The following TGFBR3 variants were observed in gnomAD, a reference collection of about 807,000 sequenced individuals.
The protein encoded by TGFBR3 is transforming growth factor beta receptor type 3.
TGFBR3 carries 46 observed loss-of-function variants against 87.9 expected under a neutral mutation model. The ratio of observed to expected loss-of-function variants is 0.52; its 90% CI spans 0.41 to 0.67. TGFBR3 has a LOEUF of 0.67. Among genes scored for constraint, TGFBR3 ranks in the 30% least tolerant of loss-of-function variants. The probability of loss-of-function intolerance (pLI) is 0.00; values close to 1 mark genes in which losing one functional copy is unlikely to be tolerated. For missense variants in TGFBR3, 866 were observed against 1,041.9 expected (o/e 0.83, Z 2.32); for synonymous variants, 381 against 391.6 (o/e 0.97, Z 0.32).
Position 91,716,588 on chromosome 1 carries a change from T to C in TGFBR3, c.1687A>G (p.Thr563Ala), listed in dbSNP as rs766413439. Residue 563 changes from threonine (T) to alanine (A), a missense_variant, in exon 11 of 17, where the codon ACC becomes GCC. Coordinates refer to ENST00000212355, the MANE Select transcript of TGFBR3 (RefSeq NM_003243.5). ...DMDEGDASLF[T>A]RPEIVVFNCS... ...CATACCACCACGATTTCAGGTCGGGTGAACAGGGAAGCATCTCCTTCATCC... is the reference window on the plus strand; with the variant it reads ...CATACCACCACGATTTCAGGTCGGGCGAACAGGGAAGCATCTCCTTCATCC... The C allele has an allele frequency of 7.4e-6, 12 of 1,613,890 alleles. No individual in the cohort carries two copies. In the East Asian group the frequency reaches 2.7e-4, roughly 36 times the overall value.
intron 15 of TGFBR3, among the ~76,000 whole-genome samples, chr1:91,696,030 A>G (rs1671426260): frequency 6.6e-6 from 1 of 152,248 alleles, no homozygotes; most frequent in African/African-American, 2.4e-5. Context: ...TAACTAAAAA[A>G]TCAGATTTGC....
At chr1:91,836,339 T>C (rs1280687779) in intron 2 of TGFBR3, among the ~76,000 whole-genome samples, 1 of 152,176 alleles carries the variant, frequency 6.6e-6, no homozygotes, top group East Asian at 1.9e-4. Flanking sequence ...TAAACAATAA[T>C]GGAACAACAG....
At chr1:91,750,912 ATCT>A (rs1673517955) in intron 4 of TGFBR3, among the ~76,000 whole-genome samples, 2 of 152,160 alleles carry the variant, frequency 1.3e-5, no homozygotes, top group African/African-American at 2.4e-5. Context: ...TACTATTCTC[ATCT>A]TCTCCAATTT....
chr1:91,835,827 CAAAAAAAAAAAAA>C (rs57326419), intron 2 of TGFBR3, among the ~76,000 whole-genome samples: 12,430 of 74,824 alleles, frequency 0.17, 1,058 homozygotes, highest in East Asian at 0.57. Context: ...GACTCCACCT[CAAAAAAAAAAAAA>C]AAAAAAAAAA....
intron 2 of TGFBR3, among the ~76,000 whole-genome samples, chr1:91,815,844 G>A (rs556659849): frequency 2.0e-5 from 3 of 152,344 alleles, no homozygotes; most frequent in South Asian, 2.1e-4. Context: ...GAAGTTGGCT[G>A]TAATCAGACT....
At chr1:91,874,259 C>G (rs1557756458) in intron 1 of TGFBR3, among the ~76,000 whole-genome samples, 1 of 152,190 alleles carries the variant, frequency 6.6e-6, no homozygotes, top group East Asian at 1.9e-4. Flanking sequence ...AATTCTGTAG[C>G]TATTTGGGGA....
At position 91,682,674 on chromosome 1, in the gene TGFBR3, T is replaced by A. The variant is rs1490654558; in HGVS notation, c.*1065A>T. On this transcript the variant is annotated 3_prime_UTR_variant, in exon 17 of 17. Transcript: ENST00000212355. ...CCATGCATTTGCATCTTGCTACAGT[T>A]TGGTTTTTATGAAAGGGCCTATTTT... 2.2e-6 allele frequency: 1 copy of A among 454,004 alleles called. No homozygotes were observed. Among genetic ancestry groups the A allele is most frequent in the Admixed American group, 2.3e-5 (1 of 42,574 alleles). 28.1% of individuals were successfully genotyped at this position (454,004 alleles called of 1,614,324 possible).
chr1:91,745,395 G>GCT (rs774895316), intron 4 of TGFBR3, among the ~76,000 whole-genome samples: 7 of 152,208 alleles, frequency 4.6e-5, no homozygotes, highest in Admixed American at 2.6e-4. Context: ...CCAAGAACTT[G>GCT]CTGGCTCAGT....
Position 91,861,505 on chromosome 1 carries a change from G to C in TGFBR3, c.27C>G (p.Ile9Met). The stretch of plus-strand genomic sequence containing the variant: ...CTAAACAGGAGCTCATCAGGGCAAA[G>C]ATGGCAATCACATAATGGGAAGTCA... MTSHYVIAIFALMSSCLAT... is the reference protein window; with the variant it reads MTSHYVIAMFALMSSCLAT... Residue 9 changes from isoleucine (I) to methionine (M), a missense_variant, in exon 2 of 17, where the codon ATC (isoleucine) becomes ATG (methionine). By Grantham distance (10) the Ile-to-Met change is conservative. Coordinates refer to ENST00000212355, the MANE Select transcript of TGFBR3 (RefSeq NM_003243.5). 2 of 1,613,890 alleles carry C rather than the reference G, an allele frequency of 1.2e-6. No individual in the cohort carries two copies. The highest frequency in any genetic ancestry group is 1.7e-6 in the Non-Finnish European group (2 of 1,179,774).
chr1:91,886,327 C>G (rs1448820181), upstream of TGFBR3: 8 of 374,714 alleles, frequency 2.1e-5, no homozygotes, highest in Non-Finnish European at 3.7e-5. Flanking sequence ...CGCCTCCTCT[C>G]TCCTCCCCCT....
chr1:91,697,021 T>C (rs894800250), intron 15 of TGFBR3, among the ~76,000 whole-genome samples: 1 of 152,140 alleles, frequency 6.6e-6, no homozygotes, highest in Non-Finnish European at 1.5e-5. Context: ...AAAATGCGGA[T>C]AGCTTTAGTC....
intron 1 of TGFBR3, among the ~76,000 whole-genome samples, chr1:91,863,312 G>A (rs1281280732): frequency 6.6e-6 from 1 of 152,156 alleles, no homozygotes; most frequent in Admixed American, 6.5e-5. Context: ...AGTATGAATA[G>A]CATACGGATT....
intron 7 of TGFBR3, among the ~76,000 whole-genome samples, chr1:91,723,880 G>T (rs992176918): frequency 6.6e-6 from 1 of 152,094 alleles, no homozygotes; most frequent in Non-Finnish European, 1.5e-5. Context: ...CATTCTGTTT[G>T]CCCCTAACAT....
intron 1 of TGFBR3, among the ~76,000 whole-genome samples, chr1:91,905,000 A>G (rs1679815162): frequency 6.6e-6 from 1 of 152,188 alleles, no homozygotes. Flanking sequence ...ATGCCTGGCC[A>G]GATTCTTTAC....
rs1196704782 is a variant in TGFBR3, at chr1:91,681,020, C to T, written c.*2719G>A. ...CTTGGAGTTTGGGGCATTTTAACAACAGCTTCAGCATCAAACAAACAACAA... is the reference window on the plus strand; with the variant it reads ...CTTGGAGTTTGGGGCATTTTAACAATAGCTTCAGCATCAAACAAACAACAA... On this transcript the variant is annotated 3_prime_UTR_variant, in exon 17 of 17. Transcript: ENST00000212355. 2 of 453,938 alleles carry T rather than the reference C, an allele frequency of 4.4e-6. No individual in the cohort carries two copies. Among genetic ancestry groups the T allele is most frequent in the South Asian group, 3.1e-5 (2 of 64,474 alleles). 28.1% of individuals were successfully genotyped at this position (453,938 alleles called of 1,614,324 possible). A position where few individuals can be genotyped will look rare whatever the true frequency, so the allele number is the denominator to read the frequency against.
At chr1:91,698,015 A>T in intron 15 of TGFBR3, 74 bp downstream of exon 15, 2 of 1,433,568 alleles carry the variant, frequency 1.4e-6, no homozygotes, top group Non-Finnish European at 2.0e-6. Flanking sequence ...AAAGTTTGGC[A>T]AATGTTCACT....
At chr1:91,758,895 A>G (rs1673848307) in intron 3 of TGFBR3, 145 bp from the exon 4 acceptor site, 3 of 1,049,106 alleles carry the variant, frequency 2.9e-6, no homozygotes. Flanking sequence ...AATAAGATAC[A>G]TTAAGTTGAA....
intron 1 of TGFBR3, among the ~76,000 whole-genome samples, chr1:91,903,338 C>CAAAAAAAAAAAAAAAAA (rs58672104): frequency 2.0e-5 from 1 of 50,486 alleles, no homozygotes; most frequent in Non-Finnish European, 3.5e-5. Context: ...GATTCTGCCT[C>CAAAAAAAAAAAAAAAAA]AAAAAAAAAA....
intron 2 of TGFBR3, among the ~76,000 whole-genome samples, chr1:91,857,326 C>T (rs1326417711): frequency 1.3e-5 from 2 of 152,060 alleles, no homozygotes; most frequent in African/African-American, 2.4e-5. Flanking sequence ...TGCTACATTT[C>T]CACACCAGCT....
Sources: gnomAD v4.1 joint callset for allele counts (sites outside exome capture counted in the v4.1 genomes callset) on GRCh38, gnomAD v4.1.1 for gene constraint, MANE v1.5 for transcripts, NCBI Gene and HGNC (gene_info 2026-07-23, HGNC 2026-07-21) for gene names.